The following NRXN1 variants were observed in gnomAD, a reference collection of about 807,000 sequenced individuals.
The protein encoded by NRXN1 is neurexin-1.
In NRXN1, 39 loss-of-function variants were observed where a neutral mutation model predicts 150.9. That is an observed-to-expected ratio of 0.26 (90% CI 0.20 to 0.34). The LOEUF is 0.34. Ranked by LOEUF, NRXN1 falls within the 10% of genes least tolerant of loss-of-function variation. The pLI, the probability that NRXN1 is intolerant of heterozygous loss-of-function variation, is 1.00. For missense variants in NRXN1, 1,815 were observed against 1,949.9 expected (o/e 0.93, Z 1.30); for synonymous variants, 924 against 757.0 (o/e 1.22, Z -3.62).
At chr2:50,073,002 A>T (rs1696532320) in intron 19 of NRXN1, among the ~76,000 whole-genome samples, 2 of 152,328 alleles carry the variant, frequency 1.3e-5, no homozygotes, top group East Asian at 3.9e-4. Flanking sequence ...AATGCTTATG[A>T]AAAGGGAGTG....
At chr2:50,949,744 T>C (rs1220952832) in intron 2 of NRXN1, among the ~76,000 whole-genome samples, 1 of 152,110 alleles carries the variant, frequency 6.6e-6, no homozygotes, top group African/African-American at 2.4e-5. Context: ...AATAAAAACT[T>C]TTCCCAGAAA....
intron 2 of NRXN1, among the ~76,000 whole-genome samples, chr2:50,947,326 C>T (rs1374610244): frequency 1.3e-5 from 2 of 152,040 alleles, no homozygotes; most frequent in East Asian, 3.9e-4. Flanking sequence ...ATGAATCAGA[C>T]ATTTGTCAAA....
intron 5 of NRXN1, among the ~76,000 whole-genome samples, chr2:50,752,927 A>AC (rs1700766224): frequency 6.6e-6 from 1 of 151,968 alleles, no homozygotes; most frequent in Admixed American, 6.6e-5. Context: ...TAAGCAATGT[A>AC]ATAGTTGATA....
chr2:50,883,903 A>G (rs985538119), intron 5 of NRXN1, among the ~76,000 whole-genome samples: 7 of 151,942 alleles, frequency 4.6e-5, no homozygotes, highest in African/African-American at 1.7e-4. Context: ...AATGTTGATT[A>G]CTTTCAGGGG....
chr2:50,937,887 A>C (rs138287376), intron 2 of NRXN1, among the ~76,000 whole-genome samples: 75 of 152,250 alleles, frequency 4.9e-4, no homozygotes, highest in African/African-American at 1.7e-3. Flanking sequence ...GTGCAAGCAT[A>C]ATAGGGTGTA....
intron 17 of NRXN1, among the ~76,000 whole-genome samples, chr2:50,441,603 G>A (rs1303429192): frequency 6.6e-6 from 1 of 152,060 alleles, no homozygotes; most frequent in Admixed American, 6.6e-5. Context: ...TGTGCATTTT[G>A]TCCAAGACTC....
rs534562398 is a variant in NRXN1, at chr2:50,861,477, C to G, written c.832+60392G>C. 2.2e-4 allele frequency among the ~76,000 whole-genome samples: 33 copies of G among 152,200 alleles called. 1 individual carries two copies. In the South Asian group the frequency reaches 2.7e-3, roughly 12 times the overall value. ...TAAAGCCACACAGCTGGTTAGTTGG[C>G]AAATCCTGAGCTAAAAATAATGTAT... On this transcript the variant is annotated intron_variant, in intron 5 of 22. Transcript: ENST00000401669.
In NRXN1 at chr2:50,678,264, T is replaced by A. The variant is rs186823435; in HGVS notation, c.833-54649A>T. The stretch of plus-strand genomic sequence containing the variant: ...TGATCAAGCATTGTTTAGATTAATA[T>A]AACACGAATACACAAGGCTGTATTA... On this transcript the variant is annotated intron_variant, in intron 5 of 22. Coordinates refer to ENST00000401669, the MANE Select transcript of NRXN1 (RefSeq NM_001330078.2). Among the ~76,000 whole-genome samples, 302 of 152,282 alleles carry A rather than the reference T, an allele frequency of 2.0e-3. 1 individual carries two copies. The highest frequency in any genetic ancestry group is 7.0e-3 in the African/African-American group (289 of 41,576).
At chr2:50,445,655 C>T (rs1347410586) in intron 17 of NRXN1, among the ~76,000 whole-genome samples, 1 of 152,194 alleles carries the variant, frequency 6.6e-6, no homozygotes, top group Non-Finnish European at 1.5e-5. Context: ...TATCCCTATA[C>T]TCTGCACGAG....
chr2:50,984,386 C>T (rs569374347), intron 2 of NRXN1, among the ~76,000 whole-genome samples: 6 of 151,798 alleles, frequency 4.0e-5, no homozygotes, highest in South Asian at 4.2e-4. Flanking sequence ...GAATATATAA[C>T]GAAGAGTGTA....
chr2:50,042,640 T>C (rs1261353123), intron 21 of NRXN1, among the ~76,000 whole-genome samples: 1 of 152,162 alleles, frequency 6.6e-6, no homozygotes, highest in Non-Finnish European at 1.5e-5. Context: ...CAAAAACCAC[T>C]TACTAAGTGT....
chr2:50,088,757 AT>A (rs1180390735), intron 19 of NRXN1, among the ~76,000 whole-genome samples: 2 of 148,174 alleles, frequency 1.3e-5, no homozygotes, highest in African/African-American at 2.7e-5. Context: ...ATGTACAAAT[AT>A]TTTTTTCAAA....
At chr2:50,080,986 T>C (rs1305680200) in intron 19 of NRXN1, among the ~76,000 whole-genome samples, 1 of 152,184 alleles carries the variant, frequency 6.6e-6, no homozygotes, top group African/African-American at 2.4e-5. Flanking sequence ...TCTAGGTAAA[T>C]GGGCCTAAGG....
chr2:50,664,440 G>T (rs868266694), intron 5 of NRXN1, among the ~76,000 whole-genome samples: 20 of 118,390 alleles, frequency 1.7e-4, no homozygotes, highest in African/African-American at 5.2e-4. Context: ...TGTGTGTGTG[G>T]CGTGGCGGGG....
intron 17 of NRXN1, among the ~76,000 whole-genome samples, chr2:50,369,895 C>G (rs529059870): frequency 6.6e-6 from 1 of 151,976 alleles, no homozygotes; most frequent in South Asian, 2.1e-4. Context: ...TGGGAGGAGA[C>G]TGTAGTGTGA....
intron 2 of NRXN1, among the ~76,000 whole-genome samples, chr2:50,943,741 G>T (rs1689865287): frequency 6.6e-6 from 1 of 152,036 alleles, no homozygotes; most frequent in Admixed American, 6.6e-5. Context: ...ACCTAGCCCA[G>T]ATCAGTCTTC....
intron 17 of NRXN1, among the ~76,000 whole-genome samples, chr2:50,356,384 C>T (rs1455488256): frequency 6.6e-6 from 1 of 152,140 alleles, no homozygotes; most frequent in African/African-American, 2.4e-5. Flanking sequence ...TGCTCCAAAA[C>T]ATTTATTCTT....
intron 21 of NRXN1, among the ~76,000 whole-genome samples, chr2:50,010,777 G>C (rs1685527785): frequency 6.6e-6 from 1 of 152,100 alleles, no homozygotes; most frequent in South Asian, 2.1e-4. Context: ...TATATTTCCT[G>C]AGAAGCACAA....
intron 17 of NRXN1, 59 bp from the exon 18 acceptor site, chr2:50,237,029 G>C: frequency 4.6e-6 from 7 of 1,510,384 alleles, no homozygotes; most frequent in Non-Finnish European, 6.4e-6. Context: ...ACATTAGCAA[G>C]GCATGTTATA....
Sources: gnomAD v4.1 joint callset for allele counts (sites outside exome capture counted in the v4.1 genomes callset) on GRCh38, gnomAD v4.1.1 for gene constraint, MANE v1.5 for transcripts, NCBI Gene and HGNC (gene_info 2026-07-23, HGNC 2026-07-21) for gene names.